SYT7: variants seen among roughly 807,000 people sequenced by gnomAD.
SYT7 encodes synaptotagmin-7.
In SYT7, 29 loss-of-function variants were observed where a neutral mutation model predicts 75.1. That is an observed-to-expected ratio of 0.39 (90% CI 0.29 to 0.53). The LOEUF (loss-of-function observed/expected upper bound fraction) is 0.53, where lower values mean the gene tolerates loss of function less well. SYT7 is among the 20% of genes least tolerant of loss of function. SYT7 has a pLI of 0.77. For missense variants in SYT7, 693 were observed against 953.2 expected, an observed-to-expected ratio of 0.73 and a Z score of 3.59; for synonymous variants, 376 against 401.7, an observed-to-expected ratio of 0.94 and a Z score of 0.76.
chr11:61,571,042 T>C (rs2063906828), intron 1 of SYT7, among the ~76,000 whole-genome samples: 1 of 152,166 alleles, frequency 6.6e-6, no homozygotes, highest in South Asian at 2.1e-4. Context: ...ACTGAAAGGT[T>C]AAGTCAGTTG....
chr11:61,515,776 G>A lies in SYT7; in HGVS notation c.*2851C>T, dbSNP rs2062134487. The A allele has an allele frequency of 6.5e-6, 1 of 152,684 alleles. No individual in the cohort carries two copies. Among genetic ancestry groups the A allele is most frequent in the Non-Finnish European group, 1.5e-5 (1 of 68,082 alleles). 9.5% of individuals were successfully genotyped at this position (152,684 alleles called of 1,614,324 possible). ...CAGGACAAGATAAGGACTAAGTCTAGGGCACCCACAAAGATGGCAGACGAA... is the reference window on the plus strand; with the variant it reads ...CAGGACAAGATAAGGACTAAGTCTAAGGCACCCACAAAGATGGCAGACGAA... On this transcript the variant is annotated 3_prime_UTR_variant, in exon 13 of 13. Coordinates refer to ENST00000539008, the MANE Select transcript of SYT7 (RefSeq NM_001365809.2).
intron 1 of SYT7, among the ~76,000 whole-genome samples, chr11:61,571,081 G>A (rs1177962517): frequency 6.6e-6 from 1 of 152,194 alleles, no homozygotes; most frequent in Non-Finnish European, 1.5e-5. Flanking sequence ...GTCAGCACAA[G>A]GCACATCTGG....
Position 61,580,387 on chromosome 11 carries a change from G to A in SYT7, c.31+403C>T, listed in dbSNP as rs1281017444. Among the ~76,000 whole-genome samples, 2 of 152,050 alleles carry A rather than the reference G, an allele frequency of 1.3e-5. No homozygotes were observed. Among genetic ancestry groups the A allele is most frequent in the Admixed American group, 6.5e-5 (1 of 15,282 alleles). ...CGCAACCTTGGCCAAGAGCTGCCGG[G>A]ATCCTCGCCCTGGGGTCCGCCAGCG... On this transcript the variant is annotated intron_variant, in intron 1 of 12. Transcript: ENST00000539008. The surrounding 1 kb of genome is among the most constrained non-coding windows in gnomAD (Gnocchi z 6.1).
chr11:61,534,995 G>T (rs545010541), intron 7 of SYT7, among the ~76,000 whole-genome samples: 1 of 152,220 alleles, frequency 6.6e-6, no homozygotes, highest in African/African-American at 2.4e-5. Context: ...ATATGAGAAC[G>T]TTAGAGTTAT....
chr11:61,540,800 C>A, intron 6 of SYT7: 1 of 985,508 alleles, frequency 1.0e-6, no homozygotes, highest in Non-Finnish European at 1.2e-6. Flanking sequence ...GTTCAAGCCA[C>A]GCAGACCCAA....
At chr11:61,538,070 C>T (rs2062920969) in intron 7 of SYT7, 74 bp downstream of exon 7, 6 of 1,519,658 alleles carry the variant, frequency 3.9e-6, no homozygotes, top group Non-Finnish European at 5.3e-6. Flanking sequence ...GCAGCCGGGG[C>T]CGGTCGAGGC....
At chr11:61,520,595 CG>C (rs1256039688) in intron 12 of SYT7, among the ~76,000 whole-genome samples, 4 of 151,358 alleles carry the variant, frequency 2.6e-5, no homozygotes, top group East Asian at 3.9e-4. Context: ...GAGGCCAAGG[CG>C]GGCGGATTGC....
chr11:61,546,174 C>G lies in SYT7; in HGVS notation c.429G>C (p.Pro143=). 6.6e-7 allele frequency: 1 copy of G among 1,521,724 alleles called. No individual in the cohort carries two copies. Among genetic ancestry groups the G allele is most frequent in the Non-Finnish European group, 8.8e-7 (1 of 1,141,374 alleles). 94.3% of individuals were successfully genotyped at this position (1,521,724 alleles called of 1,614,324 possible). A position where few individuals can be genotyped will look rare whatever the true frequency, so the allele number is the denominator to read the frequency against. The change falls in exon 5 of 13, where the codon CCG becomes CCC. Residue 143 remains proline (P), a synonymous_variant. Coordinates refer to ENST00000539008, the MANE Select transcript of SYT7 (RefSeq NM_001365809.2). The surrounding 1 kb of genome is among the most constrained non-coding windows in gnomAD (Gnocchi z 7.6). ...VEREGRLGEK[P]APVPPPGEDA... is the part of the protein sequence containing the mutation. Reference sequence around the variant, plus strand: ...CCTCTCCGGGTGGCGGCACCGGTGCCGGCTTCTCCCCCAGCCGGCCTTCCC... The same window carrying G: ...CCTCTCCGGGTGGCGGCACCGGTGCGGGCTTCTCCCCCAGCCGGCCTTCCC...
intron 3 of SYT7, among the ~76,000 whole-genome samples, chr11:61,549,254 T>G (rs2063279949): frequency 6.6e-6 from 1 of 152,012 alleles, no homozygotes; most frequent in Admixed American, 6.5e-5. Context: ...GTCTCTCAGG[T>G]TTTTCCACTG....
In SYT7 at chr11:61,523,675, AG is replaced by A. The variant is rs2062419391; in HGVS notation, c.1756+151del. On this transcript the variant is annotated intron_variant, in intron 11 of 12. Transcript: ENST00000539008. The surrounding 1 kb of genome is among the most constrained non-coding windows in gnomAD (Gnocchi z 5.0). ...TGAGGGTGCTCCAAAGGGGGGCCCC[AG>A]GGTCTCTAGGGTAAGGAGTGAGGAC... 1.2e-6 allele frequency: 1 copy of A among 801,820 alleles called. No individual in the cohort carries two copies. The highest frequency in any genetic ancestry group is 1.7e-5 in the African/African-American group (1 of 58,218). The allele number at this position is 801,820 out of a possible 1,614,324, so 49.7% of individuals were successfully genotyped here.
chr11:61,558,505 T>TACACACAC (rs34301756), intron 1 of SYT7, among the ~76,000 whole-genome samples: 74 of 134,652 alleles, frequency 5.5e-4, no homozygotes, highest in African/African-American at 1.4e-3. Context: ...CACACACACA[T>TACACACAC]ACACACACAC....
chr11:61,532,923 C>T (rs2062753472), intron 8 of SYT7, 66 bp downstream of exon 8: 1 of 1,594,720 alleles, frequency 6.3e-7, no homozygotes, highest in Non-Finnish European at 8.5e-7. Context: ...ACACACATCC[C>T]TCTTCTTCCT....
chr11:61,517,526 GGGGTGGAGGAAAGAA>G lies in SYT7; in HGVS notation c.*1086_*1100del, dbSNP rs2062178320. On this transcript the variant is annotated 3_prime_UTR_variant, in exon 13 of 13. Coordinates refer to ENST00000539008, the MANE Select transcript of SYT7 (RefSeq NM_001365809.2). ...AGGTCTACAAGCATTGGGGGATGGAGGGGTGGAGGAAAGAAGGGTGGAGGTCTGCACAGGCAGGGA... is the reference window on the plus strand; with the variant it reads ...AGGTCTACAAGCATTGGGGGATGGAGGGGTGGAGGTCTGCACAGGCAGGGA... 7.5e-6 allele frequency: 3 copies of G among 399,512 alleles called. No individual in the cohort carries two copies. The allele number at this position is 399,512 out of a possible 1,614,324, so 24.7% of individuals were successfully genotyped here.
At chr11:61,533,604 C>A (rs1302055338) in intron 7 of SYT7, 1 of 985,298 alleles carries the variant, frequency 1.0e-6, no homozygotes, top group Non-Finnish European at 1.2e-6. Flanking sequence ...GATGCCCCAC[C>A]TGTGTTTGCT....
intron 1 of SYT7, among the ~76,000 whole-genome samples, chr11:61,561,946 G>C (rs907588571): frequency 1.3e-5 from 2 of 151,974 alleles, no homozygotes; most frequent in Non-Finnish European, 2.9e-5. Flanking sequence ...AGATGGGAGA[G>C]GCTGCAGTGA....
the SYT7 span, among the ~76,000 whole-genome samples, chr11:61,587,551 C>A: frequency 6.6e-6 from 1 of 152,238 alleles, no homozygotes; most frequent in Non-Finnish European, 1.5e-5. Flanking sequence ...GCAGCCCCAC[C>A]CCAGCCAGCA....
rs145842262 is a variant in SYT7, at chr11:61,570,202, G to A, written c.31+10588C>T. 1.1e-4 allele frequency among the ~76,000 whole-genome samples: 17 copies of A among 152,348 alleles called. No homozygotes were observed. The East Asian group carries it at 2.7e-3, about 24-fold the overall frequency. ...GCTCAGGGGCTAAGTCCTACTGGTG[G>A]GTCCTGTTCCCTTCTGGGCGATGGG... On this transcript the variant is annotated intron_variant, in intron 1 of 12. Coordinates refer to ENST00000539008, the MANE Select transcript of SYT7 (RefSeq NM_001365809.2).
At chr11:61,583,685 C>T (rs1428373140), upstream of SYT7, among the ~76,000 whole-genome samples, 3 of 152,352 alleles carry the variant, frequency 2.0e-5, no homozygotes, top group East Asian at 5.8e-4. Context: ...GAATACGAAG[C>T]CCAGTCTCAT....
At chr11:61,540,599 T>G in intron 6 of SYT7, 1 of 985,512 alleles carries the variant, frequency 1.0e-6, no homozygotes, top group Non-Finnish European at 1.2e-6. Flanking sequence ...TGCTGTTGCA[T>G]GCATGATGCT....
Sources: allele counts gnomAD v4.1 joint callset (sites outside exome capture counted in the v4.1 genomes callset), GRCh38; gene constraint gnomAD v4.1.1; non-coding constraint Gnocchi (gnomAD v3.1); transcripts MANE v1.5; gene names NCBI Gene and HGNC (gene_info 2026-07-23, HGNC 2026-07-21).